VPS8: variants seen among roughly 807,000 people sequenced by gnomAD.
VPS8 encodes the protein vacuolar protein sorting-associated protein 8 homolog.
A neutral mutation model predicts 216.4 loss-of-function variants in VPS8; 129 were observed. The observed-to-expected ratio is 0.60, with a 90% CI of 0.52 to 0.69. The LOEUF (loss-of-function observed/expected upper bound fraction) is 0.69. VPS8 is among the 30% of genes least tolerant of loss of function. The pLI, the probability that VPS8 is intolerant of heterozygous loss-of-function variation, is 0.00. For synonymous variants in VPS8, 571 were observed against 565.4 expected, an observed-to-expected ratio of 1.01 and a Z score of -0.14; for missense variants, 1,531 against 1,683.5, an observed-to-expected ratio of 0.91 and a Z score of 1.59.
At chr3:184,903,097 A>G (rs895616342) in intron 25 of VPS8, among the ~76,000 whole-genome samples, 5 of 152,196 alleles carry the variant, frequency 3.3e-5, no homozygotes, top group Admixed American at 2.0e-4. Context: ...AAGTGACCAT[A>G]TAACTGTGGA....
chr3:184,947,545 G>A (rs1157564712), intron 36 of VPS8, among the ~76,000 whole-genome samples: 5 of 151,128 alleles, frequency 3.3e-5, no homozygotes, highest in African/African-American at 1.2e-4. Flanking sequence ...GATGTTGTGG[G>A]CAGGTTTTTT....
At chr3:184,819,898 G>C (rs1717182049) in intron 1 of VPS8, among the ~76,000 whole-genome samples, 1 of 152,168 alleles carries the variant, frequency 6.6e-6, no homozygotes, top group Non-Finnish European at 1.5e-5. Flanking sequence ...CTAAAGAAAA[G>C]ATATTAAGAT....
At chr3:184,913,448 C>G (rs1736934173) in intron 25 of VPS8, 71 bp from the exon 26 acceptor site, 1 of 1,347,296 alleles carries the variant, frequency 7.4e-7, no homozygotes, top group South Asian at 1.3e-5. Flanking sequence ...TTTTTTGTTT[C>G]TACATAAAGA....
At chr3:184,921,645 C>G (rs956656774) in intron 29 of VPS8, among the ~76,000 whole-genome samples, 1 of 152,054 alleles carries the variant, frequency 6.6e-6, no homozygotes, top group African/African-American at 2.4e-5. Context: ...ACGATCTCAG[C>G]TCACTACTCC....
chr3:184,855,667 G>A, intron 13 of VPS8, 44 bp from the exon 14 acceptor site: 2 of 1,459,976 alleles, frequency 1.4e-6, no homozygotes, highest in South Asian at 2.3e-5. Flanking sequence ...TTGTCCCCTT[G>A]TTTATTAACT....
intron 36 of VPS8, among the ~76,000 whole-genome samples, chr3:184,948,925 T>A (rs1197524052): frequency 2.6e-5 from 4 of 152,224 alleles, no homozygotes; most frequent in African/African-American, 9.6e-5. Flanking sequence ...TCTATTAGGT[T>A]ATAAAGCTCA....
At chr3:184,860,342 C>A (rs1419229407) in intron 15 of VPS8, among the ~76,000 whole-genome samples, 2 of 114,380 alleles carry the variant, frequency 1.7e-5, no homozygotes, top group East Asian at 7.1e-4. Context: ...GAGACCCTGT[C>A]TCTTAAAAAA....
At chr3:184,933,549 T>TG (rs1560747608) in intron 34 of VPS8, among the ~76,000 whole-genome samples, 3 of 140,766 alleles carry the variant, frequency 2.1e-5, no homozygotes, top group Non-Finnish European at 3.2e-5. Flanking sequence ...GTGTGTGTGT[T>TG]TTTAAGTGGT....
At chr3:184,960,591 T>C (rs1746347291) in intron 37 of VPS8, among the ~76,000 whole-genome samples, 1 of 152,224 alleles carries the variant, frequency 6.6e-6, no homozygotes, top group Non-Finnish European at 1.5e-5. Context: ...TGATTTCTTA[T>C]GTCACAGTGT....
At chr3:184,892,512 C>T (rs1459416062) in intron 22 of VPS8, among the ~76,000 whole-genome samples, 1 of 152,192 alleles carries the variant, frequency 6.6e-6, no homozygotes, top group Non-Finnish European at 1.5e-5. Context: ...CCACTGCACC[C>T]GGCCTAGCCT....
At chr3:184,969,499 A>G (rs1748026468) in intron 39 of VPS8, among the ~76,000 whole-genome samples, 1 of 121,744 alleles carries the variant, frequency 8.2e-6, no homozygotes, top group Non-Finnish European at 1.6e-5. Flanking sequence ...GCGTGATCTC[A>G]GCTCATTACA....
intron 2 of VPS8, among the ~76,000 whole-genome samples, chr3:184,825,270 ACT>A (rs1718504618): frequency 6.6e-6 from 1 of 152,140 alleles, no homozygotes; most frequent in South Asian, 2.1e-4. Context: ...CTCTCACAAC[ACT>A]CTGATAATCC....
chr3:184,949,909 G>A (rs1744348127), intron 36 of VPS8, among the ~76,000 whole-genome samples: 3 of 151,968 alleles, frequency 2.0e-5, no homozygotes, highest in African/African-American at 7.2e-5. Flanking sequence ...TGTTGCTGCT[G>A]TTGTTGTTTT....
intron 40 of VPS8, among the ~76,000 whole-genome samples, chr3:184,973,697 A>AC (rs1748804504): frequency 6.6e-6 from 1 of 151,588 alleles, no homozygotes; most frequent in African/African-American, 2.4e-5. Context: ...CTCTCCTCAT[A>AC]CCCCCACCCA....
At chr3:184,836,605 G>A (rs2108572781) in intron 5 of VPS8, among the ~76,000 whole-genome samples, 1 of 152,314 alleles carries the variant, frequency 6.6e-6, no homozygotes, top group Non-Finnish European at 1.5e-5. Context: ...TGCCTTTCCT[G>A]TGACAGTCAT....
intron 3 of VPS8, among the ~76,000 whole-genome samples, chr3:184,827,540 G>A (rs972189289): frequency 3.9e-5 from 6 of 152,128 alleles, no homozygotes; most frequent in Admixed American, 3.9e-4. Context: ...GGCCTTAATT[G>A]CATCCTCATT....
chr3:184,836,538 A>G (rs16859328), intron 5 of VPS8, among the ~76,000 whole-genome samples: 3,567 of 152,282 alleles, frequency 0.023, 127 homozygotes, highest in African/African-American at 0.082. Flanking sequence ...GAGTGTTTGC[A>G]TTCTGTTTTT....
At position 185,052,182 on chromosome 3, in the gene VPS8, C is replaced by A; in HGVS notation, c.*157C>A. 2.9e-6 allele frequency: 2 copies of A among 701,692 alleles called. No homozygotes were observed. Among genetic ancestry groups the A allele is most frequent in the Admixed American group, 6.8e-5 (2 of 29,314 alleles). 43.5% of individuals were successfully genotyped at this position (701,692 alleles called of 1,614,324 possible). The stretch of plus-strand genomic sequence containing the variant: ...TGCCCAGAGCGTCCACAGCACCATT[C>A]CCAGTGTAGACTCCCAGTCTTCTCC... On this transcript the variant is annotated 3_prime_UTR_variant, in exon 48 of 48. Coordinates refer to ENST00000625842, the MANE Select transcript of VPS8 (RefSeq NM_001009921.3).
intron 10 of VPS8, 46 bp downstream of exon 10, chr3:184,850,068 T>C (rs1723960249): frequency 6.7e-7 from 1 of 1,489,960 alleles, no homozygotes; most frequent in Admixed American, 2.1e-5. Context: ...TATTATGCCT[T>C]TGTGTTTATT....
Sources: allele counts gnomAD v4.1 joint callset (sites outside exome capture counted in the v4.1 genomes callset), GRCh38; gene constraint gnomAD v4.1.1; transcripts MANE v1.5; gene names NCBI Gene and HGNC (gene_info 2026-07-23, HGNC 2026-07-21).